Variants in SRD5A2 observed in about 807,000 individuals in gnomAD.
The protein encoded by SRD5A2 is 3-oxo-5-alpha-steroid 4-dehydrogenase 2.
In SRD5A2, 30 loss-of-function variants were observed where a neutral mutation model predicts 27.4. The ratio of observed to expected loss-of-function variants is 1.10; its 90% confidence interval spans 0.82 to 1.49. The LOEUF is 1.49. SRD5A2 is among the 40% of genes most tolerant of loss of function. The pLI, the probability that SRD5A2 is intolerant of heterozygous loss-of-function variation, is 0.00. For synonymous variants in SRD5A2, 141 were observed against 133.6 expected (o/e 1.06, Z -0.38); for missense variants, 348 against 323.4 (o/e 1.08, Z -0.58).
At chr2:31,611,678 A>G in the SRD5A2 span, among the ~76,000 whole-genome samples, 2 of 152,220 alleles carry the variant, frequency 1.3e-5, no homozygotes, top group Non-Finnish European at 2.9e-5. Context: ...AATGAAGATA[A>G]TATGCAGTAA....
the SRD5A2 span, among the ~76,000 whole-genome samples, chr2:31,608,834 C>T: frequency 1.3e-5 from 2 of 151,968 alleles, no homozygotes; most frequent in East Asian, 3.9e-4. Flanking sequence ...TGTTAGAAAT[C>T]ATACTGCCCG....
intron 2 of SRD5A2, 66 bp downstream of exon 2, chr2:31,533,537 G>A: frequency 4.1e-6 from 6 of 1,452,860 alleles, no homozygotes; most frequent in South Asian, 1.3e-5. Flanking sequence ...GAGAGGCCAT[G>A]GCGATGTAGA....
chr2:31,585,429 G>C (rs1667159097), upstream of SRD5A2, among the ~76,000 whole-genome samples: 1 of 152,046 alleles, frequency 6.6e-6, no homozygotes, highest in Non-Finnish European at 1.5e-5. Flanking sequence ...GGAAAGAGTT[G>C]AGGAGGACTC....
chr2:31,661,851 AT>A, the SRD5A2 span, among the ~76,000 whole-genome samples: 1 of 151,660 alleles, frequency 6.6e-6, no homozygotes, highest in South Asian at 2.1e-4. Context: ...TTTTTCAACC[AT>A]TTTTTTTCTC....
chr2:31,651,844 C>T, the SRD5A2 span: 1 of 152,508 alleles, frequency 6.6e-6, no homozygotes, highest in South Asian at 2.1e-4. Context: ...GAAGGCATCC[C>T]ACGTGATCTC....
chr2:31,623,124 C>A, the SRD5A2 span, among the ~76,000 whole-genome samples: 25 of 152,192 alleles, frequency 1.6e-4, no homozygotes, highest in Middle Eastern at 6.8e-3. Context: ...CTTTGCAAAA[C>A]TTCTTGAACC....
At chr2:31,631,153 TG>T in the SRD5A2 span, among the ~76,000 whole-genome samples, 1 of 152,186 alleles carries the variant, frequency 6.6e-6, no homozygotes, top group African/African-American at 2.4e-5. Context: ...TGCATCTTGA[TG>T]GGGCGTCTGG....
intron 1 of SRD5A2, among the ~76,000 whole-genome samples, chr2:31,562,464 A>G (rs1666644412): frequency 6.6e-6 from 1 of 152,174 alleles, no homozygotes; most frequent in South Asian, 2.1e-4. Flanking sequence ...ATCAAATACT[A>G]GAACTTATTC....
At chr2:31,590,600 A>C in the SRD5A2 span, among the ~76,000 whole-genome samples, 2 of 152,172 alleles carry the variant, frequency 1.3e-5, no homozygotes, top group Admixed American at 1.3e-4. Flanking sequence ...ATATGGAACC[A>C]AAAAAGAGCC....
chr2:31,523,264 C>T lies in SRD5A2; in HGVS notation c.*2932G>A, dbSNP rs28383096. The T allele has an allele frequency of 2.4e-4, 51 of 216,174 alleles. 2 individuals carry two copies. In the Admixed American group the frequency reaches 2.6e-3, roughly 11 times the overall value. 13.4% of individuals were successfully genotyped at this position (216,174 alleles called of 1,614,324 possible). ...TGGTGCTCCCACGGAGCGAGGGAAG[C>T]CTCACACACAAACAGGCATGGGACA... is the stretch of plus-strand genomic sequence containing the variant. On this transcript the variant is annotated 3_prime_UTR_variant, in exon 5 of 5. Coordinates refer to ENST00000622030, the MANE Select transcript of SRD5A2 (RefSeq NM_000348.4).
chr2:31,639,793 T>A, the SRD5A2 span, among the ~76,000 whole-genome samples: 1 of 152,122 alleles, frequency 6.6e-6, no homozygotes, highest in African/African-American at 2.4e-5. Flanking sequence ...TCCTTGACAT[T>A]TGAGAATTTG....
the SRD5A2 span, among the ~76,000 whole-genome samples, chr2:31,615,812 C>T: frequency 6.6e-6 from 1 of 152,130 alleles, no homozygotes; most frequent in Non-Finnish European, 1.5e-5. Context: ...GCCCAAAGGC[C>T]TAGGAGGAAA....
intron 4 of SRD5A2, 89 bp from the exon 5 acceptor site, chr2:31,526,351 A>C: frequency 1.2e-6 from 1 of 834,934 alleles, no homozygotes; most frequent in Non-Finnish European, 2.0e-6. Flanking sequence ...GTTACAAGTC[A>C]ACCTACAGTT....
chr2:31,596,670 A>C, the SRD5A2 span, among the ~76,000 whole-genome samples: 1 of 152,182 alleles, frequency 6.6e-6, no homozygotes, highest in Non-Finnish European at 1.5e-5. Flanking sequence ...AATGTCCACA[A>C]ATCAGTAGCT....
chr2:31,622,976 G>C, the SRD5A2 span, among the ~76,000 whole-genome samples: 3 of 152,060 alleles, frequency 2.0e-5, no homozygotes, highest in Admixed American at 2.0e-4. Context: ...TTTTTCACCT[G>C]CTTCAAATGC....
At chr2:31,609,635 A>G in the SRD5A2 span, among the ~76,000 whole-genome samples, 1 of 152,174 alleles carries the variant, frequency 6.6e-6, no homozygotes, top group Non-Finnish European at 1.5e-5. Context: ...GATCAAACAC[A>G]TTGTGTAAAA....
At chr2:31,644,249 A>T in the SRD5A2 span, among the ~76,000 whole-genome samples, 1 of 152,220 alleles carries the variant, frequency 6.6e-6, no homozygotes, top group Non-Finnish European at 1.5e-5. Flanking sequence ...ACTCTTCAAA[A>T]ATGTCAAGGT....
At chr2:31,526,575 T>C (rs1665788562) in intron 4 of SRD5A2, among the ~76,000 whole-genome samples, 1 of 152,120 alleles carries the variant, frequency 6.6e-6, no homozygotes, top group Non-Finnish European at 1.5e-5. Flanking sequence ...GTTACGTATA[T>C]CCTACCAGAA....
At chr2:31,654,829 T>A in the SRD5A2 span, among the ~76,000 whole-genome samples, 4 of 152,176 alleles carry the variant, frequency 2.6e-5, no homozygotes, top group Non-Finnish European at 1.5e-5. Flanking sequence ...ATTAGAGACA[T>A]GCTAAATCCT....
Sources: allele counts gnomAD v4.1 joint callset (sites outside exome capture counted in the v4.1 genomes callset), GRCh38; gene constraint gnomAD v4.1.1; transcripts MANE v1.5; gene names NCBI Gene and HGNC (gene_info 2026-07-23, HGNC 2026-07-21).